Variants in OR1C1 observed in about 807,000 individuals in gnomAD.
The protein encoded by OR1C1 is olfactory receptor family 1 subfamily C member 1.
For synonymous variants in OR1C1, 153 were observed against 154.6 expected (o/e 0.99, Z 0.08); for missense variants, 407 against 384.3 (o/e 1.06, Z -0.49).
At position 247,760,397 on chromosome 1, in the gene OR1C1, T is replaced by G. The variant is rs527504757; in HGVS notation, c.-14+15A>C. 6.6e-6 allele frequency: 1 copy of G among 152,072 alleles called. No individual in the cohort carries two copies. The highest frequency in any genetic ancestry group is 2.1e-4 in the South Asian group (1 of 4,818). 9.4% of individuals were successfully genotyped at this position (152,072 alleles called of 1,614,324 possible). Reference sequence around the variant, plus strand: ...GTCTTCACTAAAACAAAGAAAAAAATGTATGAATACATACCCTTTTCTGAG... The same window carrying G: ...GTCTTCACTAAAACAAAGAAAAAAAGGTATGAATACATACCCTTTTCTGAG... On this transcript the variant is annotated intron_variant, in intron 1 of 1. Coordinates refer to ENST00000641256, the MANE Select transcript of OR1C1 (RefSeq NM_012353.3).
In OR1C1 at chr1:247,757,581, T is replaced by C. The variant is rs904804213; in HGVS notation, c.826A>G (p.Ile276Val). The C allele has an allele frequency of 6.8e-6, 11 of 1,613,900 alleles. 1 individual carries two copies. The highest frequency in any genetic ancestry group is 6.6e-5 in the South Asian group (6 of 91,082). Reference sequence around the variant, plus strand: ...ATCGGAGCCACCATTGAATACATGATGGTTGACAGAGTGTCGCTCTCAGGC... The same window carrying C: ...ATCGGAGCCACCATTGAATACATGACGGTTGACAGAGTGTCGCTCTCAGGC... Reference protein sequence around the residue: ...HMPESDTLSTIMYSMVAPMLN... With the variant: ...HMPESDTLSTVMYSMVAPMLN... Residue 276 changes from isoleucine to valine, a missense_variant, in exon 2 of 2, where the codon ATC (isoleucine) becomes GTC (valine). Ile to Val is a conservative substitution (Grantham distance 29). Transcript: ENST00000641256.
At position 247,755,592 on chromosome 1, in the gene OR1C1, A is replaced by G. The variant is rs548493899; in HGVS notation, c.*1870T>C. ...ATCGTTATTCATAAGGGAAATGCCA[A>G]TTAAAACCACCGTGAGATGCACCTC... On this transcript the variant is annotated 3_prime_UTR_variant, in exon 2 of 2. Transcript: ENST00000641256. 3.3e-4 allele frequency: 50 copies of G among 152,326 alleles called. No homozygotes were observed. The highest frequency in any genetic ancestry group is 7.7e-4 in the African/African-American group (32 of 41,588). The allele number at this position is 152,326 out of a possible 1,614,324, so 9.4% of individuals were successfully genotyped here. A position where few individuals can be genotyped will look rare whatever the true frequency, so the allele number is the denominator to read the frequency against.
In OR1C1 at chr1:247,755,438, A is replaced by G. The variant is rs1661193808; in HGVS notation, c.*2024T>C. The G allele has an allele frequency of 6.6e-6, 1 of 152,188 alleles. No homozygotes were observed. The highest frequency in any genetic ancestry group is 2.1e-4 in the South Asian group (1 of 4,832). The allele number at this position is 152,188 out of a possible 1,614,324, so 9.4% of individuals were successfully genotyped here. ...AAGGAGTTAATATTCAAAGTATATA[A>G]GGAGTTCAAATAACTCAGTAGCAAA... On this transcript the variant is annotated 3_prime_UTR_variant, in exon 2 of 2. Transcript: ENST00000641256.
Position 247,758,063 on chromosome 1 carries a change from A to G in OR1C1, c.344T>C (p.Leu115Pro). 6.2e-7 allele frequency: 1 copy of G among 1,614,140 alleles called. No homozygotes were observed. The highest frequency in any genetic ancestry group is 8.5e-7 in the Non-Finnish European group (1 of 1,180,002). ...ATATCTATCATACGCCATCACACAC[A>G]GAAGGAGGCTGTCCATATTCACAAA... is the stretch of plus-strand genomic sequence containing the variant. Reference protein sequence around the residue: ...VSFVNMDSLLLCVMAYDRYVA... With the variant: ...VSFVNMDSLLPCVMAYDRYVA... The change falls in exon 2 of 2, where the codon CTG becomes CCG. Residue 115 changes from leucine to proline, a missense_variant. By Grantham distance (98) the Leu-to-Pro change is moderately conservative. Coordinates refer to ENST00000641256, the MANE Select transcript of OR1C1 (RefSeq NM_012353.3).
At position 247,755,569 on chromosome 1, in the gene OR1C1, CG is replaced by C. The variant is rs1224649863; in HGVS notation, c.*1892del. The C allele has an allele frequency of 6.6e-6, 1 of 152,020 alleles. No homozygotes were observed. Among genetic ancestry groups the C allele is most frequent in the Non-Finnish European group, 1.5e-5 (1 of 67,990 alleles). The allele number at this position is 152,020 out of a possible 1,614,324, so 9.4% of individuals were successfully genotyped here. On this transcript the variant is annotated 3_prime_UTR_variant, in exon 2 of 2. Coordinates refer to ENST00000641256, the MANE Select transcript of OR1C1 (RefSeq NM_012353.3). ...ACAGATATGAAAAAATGCTCAAAAT[CG>C]TTATTCATAAGGGAAATGCCAATTA...
chr1:247,758,098 G>A lies in OR1C1; in HGVS notation c.309C>T (p.Phe103=). The A allele has an allele frequency of 1.2e-6, 2 of 1,614,106 alleles. No homozygotes were observed. Among genetic ancestry groups the A allele is most frequent in the Non-Finnish European group, 8.5e-7 (1 of 1,180,018 alleles). Residue 103 remains phenylalanine (F), a synonymous_variant, in exon 2 of 2, where the codon TTC becomes TTT. Coordinates refer to ENST00000641256, the MANE Select transcript of OR1C1 (RefSeq NM_012353.3). The stretch of plus-strand genomic sequence containing the variant: ...TGTCCATATTCACAAAAGAAACGAA[G>A]AAGAAGAGCTGGGTGAGGCAGCCTG... The part of the protein sequence containing the change: ...SFAGCLTQLF[F]FVSFVNMDSL...
In OR1C1 at chr1:247,755,292, A is replaced by G. The variant is rs774379060; in HGVS notation, c.*2170T>C. 3.3e-5 allele frequency: 5 copies of G among 152,174 alleles called. No individual in the cohort carries two copies. The highest frequency in any genetic ancestry group is 1.2e-4 in the African/African-American group (5 of 41,452). 9.4% of individuals were successfully genotyped at this position (152,174 alleles called of 1,614,324 possible). On this transcript the variant is annotated 3_prime_UTR_variant, in exon 2 of 2. Coordinates refer to ENST00000641256, the MANE Select transcript of OR1C1 (RefSeq NM_012353.3). The stretch of plus-strand genomic sequence containing the variant: ...AGATATGACTCCCACAATTGACAAA[A>G]CTAAAATTAACAAGCGCTAGTAAAT...
intron 1 of OR1C1, 26 bp from the exon 2 acceptor site, chr1:247,758,445 A>G: frequency 8.1e-7 from 1 of 1,232,280 alleles, no homozygotes; most frequent in Non-Finnish European, 1.2e-6. Flanking sequence ...ATTAAATTGT[A>G]AAAGCCAGCA....
At chr1:247,759,815 C>G (rs2103236527) in intron 1 of OR1C1, among the ~76,000 whole-genome samples, 1 of 152,314 alleles carries the variant, frequency 6.6e-6, no homozygotes, top group African/African-American at 2.4e-5. Context: ...CCATGCACCC[C>G]CTTTTACCCA....
chr1:247,758,158 C>T lies in OR1C1; in HGVS notation c.249G>A (p.Val83=), dbSNP rs1661259829. Residue 83 remains valine, a synonymous_variant, in exon 2 of 2, where the codon GTG becomes GTA. Transcript: ENST00000641256. ...FTSTTVPQMV[V]NILTGTKTIS... is the part of the protein sequence containing the mutation. Reference sequence around the variant, plus strand: ...TAGTCTTGGTGCCAGTCAAGATATTCACTACCATTTGGGGGACTGTAGTCG... The same window carrying T: ...TAGTCTTGGTGCCAGTCAAGATATTTACTACCATTTGGGGGACTGTAGTCG... The T allele has an allele frequency of 6.2e-7, 1 of 1,614,058 alleles. No homozygotes were observed. The highest frequency in any genetic ancestry group is 8.5e-7 in the Non-Finnish European group (1 of 1,179,998).
At position 247,755,285 on chromosome 1, in the gene OR1C1, T is replaced by C. The variant is rs765253801; in HGVS notation, c.*2177A>G. 2 of 152,034 alleles carry C rather than the reference T, an allele frequency of 1.3e-5. No homozygotes were observed. Among genetic ancestry groups the C allele is most frequent in the African/African-American group, 2.4e-5 (1 of 41,408 alleles). The allele number at this position is 152,034 out of a possible 1,614,324, so 9.4% of individuals were successfully genotyped here. A position where few individuals can be genotyped will look rare whatever the true frequency, so the allele number is the denominator to read the frequency against. ...ATCTTTTAGATATGACTCCCACAATTGACAAAACTAAAATTAACAAGCGCT... is the reference window on the plus strand; with the variant it reads ...ATCTTTTAGATATGACTCCCACAATCGACAAAACTAAAATTAACAAGCGCT... On this transcript the variant is annotated 3_prime_UTR_variant, in exon 2 of 2. Transcript: ENST00000641256.
rs751631227 is a variant in OR1C1 at position 247,757,860 on chromosome 1, G to A, written c.547C>T (p.Pro183Ser). 1.2e-6 allele frequency: 2 copies of A among 1,614,040 alleles called. No individual in the cohort carries two copies. Among genetic ancestry groups the A allele is most frequent in the Non-Finnish European group, 1.7e-6 (2 of 1,179,990 alleles). Reference protein sequence around the residue: ...IIHHFFCDLNPLLQLSCSDVS... With the variant: ...IIHHFFCDLNSLLQLSCSDVS... ...TCAGAGCAAGAGAGCTGCAGGAGAGGATTGAGATCACAGAAGAAATGATGG... is the reference window on the plus strand; with the variant it reads ...TCAGAGCAAGAGAGCTGCAGGAGAGAATTGAGATCACAGAAGAAATGATGG... The change falls in exon 2 of 2, where the codon CCT becomes TCT. Residue 183 changes from proline to serine, a missense_variant. Physicochemically the swap from Pro to Ser is moderately conservative, Grantham distance 74. Coordinates refer to ENST00000641256, the MANE Select transcript of OR1C1 (RefSeq NM_012353.3).
chr1:247,760,074 A>AT (rs1483530936), intron 1 of OR1C1, among the ~76,000 whole-genome samples: 2 of 152,214 alleles, frequency 1.3e-5, no homozygotes, highest in African/African-American at 2.4e-5. Flanking sequence ...GATTTATTAT[A>AT]TTGAATCCTT....
Position 247,757,780 on chromosome 1 carries a change from C to T in OR1C1, c.627G>A (p.Thr209=), listed in dbSNP as rs113617040. ...IFAVGGLLAL[T]PLVCILVSYG... ...AAGATACGAGGATACAGACAAGGGGCGTGAGAGCCAATAGACCTCCTACTG... is the reference window on the plus strand; with the variant it reads ...AAGATACGAGGATACAGACAAGGGGTGTGAGAGCCAATAGACCTCCTACTG... The change falls in exon 2 of 2, where the codon ACG becomes ACA. Residue 209 remains threonine, a synonymous_variant. Coordinates refer to ENST00000641256, the MANE Select transcript of OR1C1 (RefSeq NM_012353.3). 25 of 1,613,890 alleles carry T rather than the reference C, an allele frequency of 1.5e-5. No homozygotes were observed. Among genetic ancestry groups the T allele is most frequent in the African/African-American group, 9.3e-5 (7 of 74,986 alleles).
Position 247,757,759 on chromosome 1 carries a change from T to TA in OR1C1, c.647dup (p.Ser217IlefsTer53). On this transcript the variant is annotated frameshift_variant, in exon 2 of 2. Coordinates refer to ENST00000641256, the MANE Select transcript of OR1C1 (RefSeq NM_012353.3). LOFTEE classifies it low-confidence loss of function (END_TRUNC). ...CAGTGGAGAAGATAAGTCCATAAGA[T>TA]ACGAGGATACAGACAAGGGGCGTGA... 6.2e-7 allele frequency: 1 copy of TA among 1,613,906 alleles called. No individual in the cohort carries two copies. The highest frequency in any genetic ancestry group is 8.5e-7 in the Non-Finnish European group (1 of 1,179,978).
rs145441721 is a variant in OR1C1 at position 247,758,571 on chromosome 1, A to G, written c.-13-152T>C. Reference sequence around the variant, plus strand: ...AACTTGCTTGCTTGAATGCTTTCCAATGACATCTTGTGTTCATGATATTCT... The same window carrying G: ...AACTTGCTTGCTTGAATGCTTTCCAGTGACATCTTGTGTTCATGATATTCT... On this transcript the variant is annotated intron_variant, in intron 1 of 1. Transcript: ENST00000641256. 9.5e-4 allele frequency: 552 copies of G among 583,500 alleles called. No homozygotes were observed. The African/African-American group carries it at 9.6e-3, about 10-fold the overall frequency. The allele number at this position is 583,500 out of a possible 1,614,324, so 36.1% of individuals were successfully genotyped here. A position where few individuals can be genotyped will look rare whatever the true frequency, so the allele number is the denominator to read the frequency against.
At chr1:247,760,225 T>C (rs1305920197) in intron 1 of OR1C1, among the ~76,000 whole-genome samples, 187 bp downstream of exon 1, 1 of 152,172 alleles carries the variant, frequency 6.6e-6, no homozygotes, top group Non-Finnish European at 1.5e-5. Flanking sequence ...TATCTTTTAA[T>C]TCTATATTCT....
At chr1:247,759,323 A>G (rs116195564) in intron 1 of OR1C1, among the ~76,000 whole-genome samples, 2,189 of 152,290 alleles carry the variant, frequency 0.014, 67 homozygotes, top group African/African-American at 0.05. Context: ...AGCAATTTCT[A>G]TGATCCAGGT....
chr1:247,757,960 CCACAGTCCAGCCACTAGCTGGA>C lies in OR1C1; in HGVS notation c.425_446del (p.Val142GlyfsTer14), dbSNP rs1661252248. 6.2e-7 allele frequency: 1 copy of C among 1,613,916 alleles called. No individual in the cohort carries two copies. Among genetic ancestry groups the C allele is most frequent in the African/African-American group, 1.3e-5 (1 of 74,918 alleles). On this transcript the variant is annotated frameshift_variant, in exon 2 of 2. Transcript: ENST00000641256. LOFTEE classifies it low-confidence loss of function (END_TRUNC). The stretch of plus-strand genomic sequence containing the variant: ...GGAGGGCGTGGAGGTAAGTAACAAG[CCACAGTCCAGCCACTAGCTGGA>C]CACAAAGGCACAGGTTCATTCTGGC...
Sources: gnomAD v4.1 joint callset for allele counts (sites outside exome capture counted in the v4.1 genomes callset) on GRCh38, gnomAD v4.1.1 for gene constraint, MANE v1.5 for transcripts, NCBI Gene and HGNC (gene_info 2026-07-23, HGNC 2026-07-21) for gene names.